TFB1M: variants seen among roughly 807,000 people sequenced by gnomAD.
TFB1M encodes the protein transcription factor B1, mitochondrial.
A neutral mutation model predicts 31.1 loss-of-function variants in TFB1M; 27 were observed. The observed-to-expected ratio is 0.87, with a 90% CI of 0.64 to 1.20. The LOEUF (loss-of-function observed/expected upper bound fraction) is 1.20, where lower values mean the gene tolerates loss of function less well. Ranked by LOEUF, TFB1M falls within the 50% of genes most tolerant of loss-of-function variation. TFB1M has a pLI of 0.00. For missense variants in TFB1M, 394 were observed against 418.7 expected (o/e 0.94, Z 0.51); for synonymous variants, 166 against 151.8 (o/e 1.09, Z -0.69).
chr6:155,266,305 C>G (rs1265718763), intron 5 of TFB1M, among the ~76,000 whole-genome samples: 1 of 152,168 alleles, frequency 6.6e-6, no homozygotes, highest in African/African-American at 2.4e-5. Context: ...TGGGTTGGGC[C>G]TGAGCCTCTT....
chr6:155,245,912 T>C, the TFB1M span, among the ~76,000 whole-genome samples: 3 of 152,196 alleles, frequency 2.0e-5, no homozygotes, highest in African/African-American at 7.2e-5. Flanking sequence ...AGTTAATTAG[T>C]AGCTGGGAAC....
chr6:155,275,845 A>C (rs770224950), intron 5 of TFB1M: 1 of 1,614,110 alleles, frequency 6.2e-7, no homozygotes, highest in South Asian at 1.1e-5. Context: ...ACATCATAAC[A>C]GCCATTGTAC....
intron 5 of TFB1M, among the ~76,000 whole-genome samples, chr6:155,269,324 C>CTTTTTTTTTTTT (rs60162262): frequency 4.7e-5 from 6 of 127,238 alleles, no homozygotes; most frequent in African/African-American, 8.9e-5. Context: ...CTTTTCTTTT[C>CTTTTTTTTTTTT]TTTTTTTTTT....
At chr6:155,262,389 G>A (rs1784432003) in intron 5 of TFB1M, among the ~76,000 whole-genome samples, 1 of 152,046 alleles carries the variant, frequency 6.6e-6, no homozygotes, top group African/African-American at 2.4e-5. Flanking sequence ...TCAGGCATGT[G>A]TCTGGCCACT....
chr6:155,266,612 C>T (rs1278710169), intron 5 of TFB1M, among the ~76,000 whole-genome samples: 3 of 151,952 alleles, frequency 2.0e-5, no homozygotes, highest in Non-Finnish European at 2.9e-5. Flanking sequence ...TTTGGAAGGC[C>T]AAAGCGGGCG....
chr6:155,270,298 G>A (rs1455686872), intron 5 of TFB1M, among the ~76,000 whole-genome samples: 1 of 152,184 alleles, frequency 6.6e-6, no homozygotes, highest in Non-Finnish European at 1.5e-5. Flanking sequence ...GAGTTCAGGG[G>A]AGAGGGCTGG....
intron 2 of TFB1M, among the ~76,000 whole-genome samples, chr6:155,304,778 A>G (rs1777595175): frequency 6.6e-6 from 1 of 152,060 alleles, no homozygotes; most frequent in Non-Finnish European, 1.5e-5. Flanking sequence ...ATACTGCCAC[A>G]ATATTTTCCA....
chr6:155,306,090 C>T (rs1305906105), intron 2 of TFB1M, among the ~76,000 whole-genome samples: 2 of 151,798 alleles, frequency 1.3e-5, no homozygotes, highest in South Asian at 2.1e-4. Context: ...GGCAAATAAG[C>T]ACATCGTATG....
the TFB1M span, among the ~76,000 whole-genome samples, chr6:155,242,080 G>A: frequency 1.3e-5 from 2 of 152,176 alleles, no homozygotes; most frequent in Non-Finnish European, 1.5e-5. Context: ...AGTAGACAAG[G>A]ACCGACTCTC....
At chr6:155,231,383 T>G in the TFB1M span, among the ~76,000 whole-genome samples, 1 of 152,368 alleles carries the variant, frequency 6.6e-6, no homozygotes, top group African/African-American at 2.4e-5. Flanking sequence ...CTTCCTCCTT[T>G]TTGTACCATT....
At chr6:155,244,572 G>C in the TFB1M span, 1 of 1,468,732 alleles carries the variant, frequency 6.8e-7, no homozygotes, top group Non-Finnish European at 9.2e-7. Context: ...GAATTTCCTT[G>C]TGATTTATTT....
intron 6 of TFB1M, among the ~76,000 whole-genome samples, chr6:155,258,964 C>A (rs534637918): frequency 6.6e-6 from 1 of 152,172 alleles, no homozygotes; most frequent in Non-Finnish European, 1.5e-5. Context: ...ACCTGTTACC[C>A]TGGGTGGCAC....
downstream of TFB1M, among the ~76,000 whole-genome samples, chr6:155,251,401 C>G (rs1783646275): frequency 6.6e-6 from 1 of 152,188 alleles, no homozygotes; most frequent in Non-Finnish European, 1.5e-5. Context: ...ATTCCCCTGC[C>G]TAAGCCTCCT....
intron 2 of TFB1M, among the ~76,000 whole-genome samples, chr6:155,308,873 T>G (rs1385055812): frequency 6.6e-6 from 1 of 152,182 alleles, no homozygotes; most frequent in Non-Finnish European, 1.5e-5. Flanking sequence ...TTTACTCAGT[T>G]TTATGATTAA....
chr6:155,231,967 GC>G, the TFB1M span, among the ~76,000 whole-genome samples: 2,329 of 152,332 alleles, frequency 0.015, 25 homozygotes, highest in Non-Finnish European at 0.024. Context: ...TGTAATCCCA[GC>G]TACGTGGGAG....
chr6:155,283,660 A>G (rs1776491224), intron 5 of TFB1M, among the ~76,000 whole-genome samples: 1 of 152,200 alleles, frequency 6.6e-6, no homozygotes, highest in Non-Finnish European at 1.5e-5. Context: ...TCGAATATCT[A>G]TCCTAAGAAC....
At chr6:155,243,919 C>T in the TFB1M span, 1 of 802,090 alleles carries the variant, frequency 1.2e-6, no homozygotes, top group Non-Finnish European at 2.1e-6. Flanking sequence ...TGATGGGAGC[C>T]TTGGGAGCTG....
At chr6:155,259,170 T>C (rs1381770140) in intron 6 of TFB1M, among the ~76,000 whole-genome samples, 2 of 152,130 alleles carry the variant, frequency 1.3e-5, no homozygotes, top group African/African-American at 4.8e-5. Context: ...GGTACAGCTG[T>C]GTGGGTCCTG....
At chr6:155,240,821 G>T in the TFB1M span, 1 of 1,095,176 alleles carries the variant, frequency 9.1e-7, no homozygotes, top group Non-Finnish European at 1.3e-6. Context: ...CTCCCCAGGG[G>T]GGGACACCTG....
Sources: allele counts gnomAD v4.1 joint callset (sites outside exome capture counted in the v4.1 genomes callset), GRCh38; gene constraint gnomAD v4.1.1; transcripts MANE v1.5; gene names NCBI Gene and HGNC (gene_info 2026-07-23, HGNC 2026-07-21).